The following CPEB3 variants were observed in gnomAD, a reference collection of about 807,000 sequenced individuals.
CPEB3 encodes the protein cytoplasmic polyadenylation element binding protein 3, also known as cytoplasmic polyadenylation element-binding protein 3.
In CPEB3, 20 loss-of-function variants were observed where a neutral mutation model predicts 67.2. The ratio of observed to expected loss-of-function variants is 0.30; its 90% CI spans 0.21 to 0.43. The LOEUF is 0.43. Ranked by LOEUF, CPEB3 falls within the 20% of genes least tolerant of loss-of-function variation. CPEB3 has a pLI of 1.00. For missense variants in CPEB3, 746 were observed against 968.6 expected (o/e 0.77, Z 3.05); for synonymous variants, 376 against 393.1 (o/e 0.96, Z 0.51).
chr10:92,213,944 A>C (rs1850218080), intron 2 of CPEB3, among the ~76,000 whole-genome samples: 1 of 152,180 alleles, frequency 6.6e-6, no homozygotes, highest in Non-Finnish European at 1.5e-5. Flanking sequence ...TACTTCTAAA[A>C]AGCCAAATTT....
intron 9 of CPEB3, among the ~76,000 whole-genome samples, chr10:92,072,979 A>C (rs990078552): frequency 7.0e-6 from 1 of 142,982 alleles, no homozygotes; most frequent in African/African-American, 2.6e-5. Flanking sequence ...TTATTTATTT[A>C]TTTCAAGATG....
intron 2 of CPEB3, among the ~76,000 whole-genome samples, chr10:92,209,575 T>C (rs1849968428): frequency 6.6e-6 from 1 of 151,872 alleles, no homozygotes; most frequent in African/African-American, 2.4e-5. Context: ...GCCGAAACAA[T>C]AAGCAAGAAG....
intron 9 of CPEB3, among the ~76,000 whole-genome samples, chr10:92,056,489 A>C (rs922080476): frequency 6.6e-6 from 1 of 152,210 alleles, no homozygotes; most frequent in African/African-American, 2.4e-5. Context: ...TTGCTGAAAG[A>C]AGCACTGAGG....
intron 2 of CPEB3, among the ~76,000 whole-genome samples, chr10:92,198,186 A>G (rs1849332679): frequency 6.6e-6 from 1 of 152,250 alleles, no homozygotes; most frequent in South Asian, 2.1e-4. Flanking sequence ...GGTGAGTGGC[A>G]GAGCCAGGGC....
intron 4 of CPEB3, among the ~76,000 whole-genome samples, chr10:92,159,333 A>T (rs1015526345): frequency 1.3e-5 from 2 of 152,052 alleles, no homozygotes; most frequent in Non-Finnish European, 2.9e-5. Flanking sequence ...AAAAAGGAAG[A>T]TAATTTGGAG....
intron 1 of CPEB3, among the ~76,000 whole-genome samples, chr10:92,264,658 G>T (rs1370145104): frequency 6.6e-6 from 1 of 151,262 alleles, no homozygotes; most frequent in Admixed American, 6.6e-5. Flanking sequence ...AGAGGTTGCA[G>T]TGAGCCGAGA....
At position 92,119,090 on chromosome 10, in the gene CPEB3, C is replaced by A. The variant is rs549066510; in HGVS notation, c.1454-7896G>T. 124 of 1,583,894 alleles carry A rather than the reference C, an allele frequency of 7.8e-5. 4 individuals carry two copies. The South Asian group carries it at 1.2e-3, about 16-fold the overall frequency. On this transcript the variant is annotated intron_variant, in intron 6 of 9. Transcript: ENST00000265997. ...AGACCTAGGAAAAGGCCTGAAGATT[C>A]CCCAGCTATACCAGTCTGGAGTGGC... is the stretch of plus-strand genomic sequence containing the variant.
At chr10:92,100,740 C>T (rs1590137086) in intron 7 of CPEB3, among the ~76,000 whole-genome samples, 1 of 151,692 alleles carries the variant, frequency 6.6e-6, no homozygotes, top group Admixed American at 6.6e-5. Context: ...TACAGGTGCC[C>T]GCCACCACGC....
At chr10:92,174,530 T>C (rs1848140526) in intron 4 of CPEB3, among the ~76,000 whole-genome samples, 1 of 152,174 alleles carries the variant, frequency 6.6e-6, no homozygotes, top group African/African-American at 2.4e-5. Context: ...GGTGAGTGTC[T>C]TTTTTTGGCT....
chr10:92,283,919 G>C (rs1212565181), intron 1 of CPEB3, among the ~76,000 whole-genome samples: 3 of 150,308 alleles, frequency 2.0e-5, no homozygotes, highest in Admixed American at 6.6e-5. Flanking sequence ...GTAGAGACGG[G>C]GTTTCACCAT....
At position 92,239,201 on chromosome 10, in the gene CPEB3, A is replaced by C; in HGVS notation, c.1005+145T>G. ...CATCCTCTGATAATGGAACAGCCCTAAAGAACTGGAGGCTTCGGAAGGGGA... is the reference window on the plus strand; with the variant it reads ...CATCCTCTGATAATGGAACAGCCCTCAAGAACTGGAGGCTTCGGAAGGGGA... On this transcript the variant is annotated intron_variant, in intron 2 of 9. Coordinates refer to ENST00000265997, the MANE Select transcript of CPEB3 (RefSeq NM_014912.5). This position sits in a 1 kb window ranked among gnomAD's most constrained non-coding sequence, Gnocchi z 6.0. The C allele has an allele frequency of 1.2e-6, 1 of 843,276 alleles. No individual in the cohort carries two copies. 52.2% of individuals were successfully genotyped at this position (843,276 alleles called of 1,614,324 possible). A position where few individuals can be genotyped will look rare whatever the true frequency, so the allele number is the denominator to read the frequency against.
At chr10:92,147,898 C>T (rs1187438939) in intron 4 of CPEB3, among the ~76,000 whole-genome samples, 1 of 152,152 alleles carries the variant, frequency 6.6e-6, no homozygotes, top group African/African-American at 2.4e-5. Context: ...AATAAAAATG[C>T]TGATTATCCA....
At chr10:92,242,529 G>C (rs1851895255) in intron 1 of CPEB3, among the ~76,000 whole-genome samples, 1 of 152,184 alleles carries the variant, frequency 6.6e-6, no homozygotes, top group South Asian at 2.1e-4. Flanking sequence ...TCTGAGATTT[G>C]AGTCACTTCC....
chr10:92,289,733 ATAT>A (rs1481648362), intron 1 of CPEB3, among the ~76,000 whole-genome samples: 26 of 44,836 alleles, frequency 5.8e-4, no homozygotes, highest in Non-Finnish European at 1.1e-3. Flanking sequence ...AAAAAAAAAA[ATAT>A]ATATATATAT....
intron 5 of CPEB3, 70 bp downstream of exon 5, chr10:92,144,875 G>A (rs950118028): frequency 5.0e-6 from 7 of 1,408,174 alleles, no homozygotes; most frequent in Non-Finnish European, 6.0e-6. Flanking sequence ...GACTTGGAGA[G>A]GAGAGGCAGG....
At position 92,226,631 on chromosome 10, in the gene CPEB3, C is replaced by T. The variant is rs538978350; in HGVS notation, c.1005+12715G>A. On this transcript the variant is annotated intron_variant, in intron 2 of 9. Coordinates refer to ENST00000265997, the MANE Select transcript of CPEB3 (RefSeq NM_014912.5). ...TTGCCCTTGTGGAGCCTACATTCTA[C>T]TGTGGAAGAACAAAACAAAATAAAC... Among the ~76,000 whole-genome samples the T allele has an allele frequency of 3.3e-5, 5 of 152,282 alleles. No individual in the cohort carries two copies. The East Asian group carries it at 7.7e-4, about 24-fold the overall frequency.
At chr10:92,087,715 C>T (rs981013498) in intron 8 of CPEB3, among the ~76,000 whole-genome samples, 6 of 152,160 alleles carry the variant, frequency 3.9e-5, no homozygotes, top group Non-Finnish European at 7.4e-5. Context: ...CCAAGTCTGG[C>T]ACTTATTTTC....
At chr10:92,066,497 C>T (rs1411361930) in intron 9 of CPEB3, among the ~76,000 whole-genome samples, 4 of 152,068 alleles carry the variant, frequency 2.6e-5, no homozygotes, top group Non-Finnish European at 5.9e-5. Flanking sequence ...ACCTGGGCAC[C>T]CCATGAAAGG....
At chr10:92,143,223 G>T in intron 5 of CPEB3, 105 bp from the exon 6 acceptor site, 1 of 817,672 alleles carries the variant, frequency 1.2e-6, no homozygotes, top group Non-Finnish European at 1.9e-6. Context: ...ATGTTTTGAG[G>T]GTTGTTTTCT....
Sources: gnomAD v4.1 joint callset for allele counts (sites outside exome capture counted in the v4.1 genomes callset) on GRCh38, gnomAD v4.1.1 for gene constraint, Gnocchi (gnomAD v3.1) non-coding constraint, MANE v1.5 for transcripts, NCBI Gene and HGNC (gene_info 2026-07-23, HGNC 2026-07-21) for gene names.